The following SYT16 variants were observed in gnomAD, a reference collection of about 807,000 sequenced individuals.
The protein encoded by SYT16 is synaptotagmin-16.
In SYT16, 42 loss-of-function variants were observed where a neutral mutation model predicts 61.4. That is an observed-to-expected ratio of 0.68 (90% CI 0.53 to 0.89). The LOEUF (loss-of-function observed/expected upper bound fraction) is 0.89. Ranked by LOEUF, SYT16 falls within the 40% of genes least tolerant of loss-of-function variation. The pLI is 0.00. For synonymous variants in SYT16, 314 were observed against 302.3 expected, an observed-to-expected ratio of 1.04 and a Z score of -0.40; for missense variants, 804 against 807.3, an observed-to-expected ratio of 1.00 and a Z score of 0.05.
chr14:62,072,743 T>C (rs1435497137), intron 4 of SYT16, among the ~76,000 whole-genome samples: 1 of 152,178 alleles, frequency 6.6e-6, no homozygotes, highest in Non-Finnish European at 1.5e-5. Context: ...GCATAAAACT[T>C]GCCATCACAG....
At chr14:62,014,381 C>T (rs1022941673) in intron 3 of SYT16, among the ~76,000 whole-genome samples, 1 of 151,974 alleles carries the variant, frequency 6.6e-6, no homozygotes, top group Non-Finnish European at 1.5e-5. Flanking sequence ...CTATTGATTC[C>T]GTCTCTGCTG....
chr14:61,887,728 G>A (rs750034556), intron 1 of SYT16, among the ~76,000 whole-genome samples: 2 of 152,084 alleles, frequency 1.3e-5, no homozygotes, highest in Non-Finnish European at 2.9e-5. Context: ...GCTTCCTTCT[G>A]CACCTCTCAG....
intron 1 of SYT16, among the ~76,000 whole-genome samples, chr14:61,923,067 A>AT (rs1491564035): frequency 6.7e-6 from 1 of 148,332 alleles, no homozygotes; most frequent in African/African-American, 2.4e-5. Flanking sequence ...AAAAAAAAAA[A>AT]TGAAGTGGAC....
At chr14:62,086,999 G>C (rs376907992) in intron 7 of SYT16, among the ~76,000 whole-genome samples, 3 of 152,196 alleles carry the variant, frequency 2.0e-5, no homozygotes, top group Non-Finnish European at 4.4e-5. Context: ...AAAGTAGAAG[G>C]TTCCTTTGTG....
At chr14:62,013,839 C>T (rs2053560311) in intron 3 of SYT16, among the ~76,000 whole-genome samples, 1 of 152,128 alleles carries the variant, frequency 6.6e-6, no homozygotes, top group African/African-American at 2.4e-5. Flanking sequence ...TGGTGGGCAC[C>T]TGTAGTCCCA....
At chr14:61,887,957 T>C (rs2047972247) in intron 1 of SYT16, among the ~76,000 whole-genome samples, 1 of 152,196 alleles carries the variant, frequency 6.6e-6, no homozygotes, top group African/African-American at 2.4e-5. Flanking sequence ...GCTAACTCTT[T>C]GGTGCAAGAG....
chr14:61,842,884 C>T (rs555224748), intron 1 of SYT16, among the ~76,000 whole-genome samples: 1 of 151,908 alleles, frequency 6.6e-6, no homozygotes, highest in Non-Finnish European at 1.5e-5. Flanking sequence ...ATGTAACAAA[C>T]CTGCACATTG....
chr14:61,958,388 C>G (rs530401930), intron 1 of SYT16, among the ~76,000 whole-genome samples: 1 of 151,624 alleles, frequency 6.6e-6, no homozygotes, highest in Admixed American at 6.6e-5. Context: ...AGATCTTTCT[C>G]CTTTAATGTA....
intron 1 of SYT16, among the ~76,000 whole-genome samples, chr14:61,934,052 T>G (rs543928296): frequency 7.9e-5 from 12 of 152,282 alleles, no homozygotes; most frequent in African/African-American, 2.9e-4. Flanking sequence ...TTACTATTGT[T>G]TTTGTGGAAA....
chr14:62,017,117 C>G (rs7146131), intron 3 of SYT16, among the ~76,000 whole-genome samples: 68,534 of 151,888 alleles, frequency 0.45, 15,910 homozygotes, highest in East Asian at 0.67. Flanking sequence ...TATTGAATTG[C>G]GGGGATTTAA....
At chr14:61,938,333 T>G (rs2050072552) in intron 1 of SYT16, among the ~76,000 whole-genome samples, 3 of 151,964 alleles carry the variant, frequency 2.0e-5, no homozygotes, top group Admixed American at 2.0e-4. Context: ...CTTCAAGGGC[T>G]TCACAAAGTA....
chr14:61,996,048 T>C lies in SYT16; in HGVS notation c.29T>C (p.Val10Ala), dbSNP rs8019076. 1,195,370 of 1,604,974 alleles carry C rather than the reference T, an allele frequency of 0.74. 447,728 individuals carry two copies. The highest frequency in any genetic ancestry group is 0.93 in the African/African-American group (69,523 of 74,682). The part of the protein sequence containing the change: MVLAMASQD[V>A]QNFFQPFSSW... ...GTGTTGGCCATGGCGTCTCAGGATG[T>C]TCAGAACTTCTTCCAGCCTTTCTCT... is the stretch of plus-strand genomic sequence containing the variant. The change falls in exon 3 of 8, where the codon GTT (valine) becomes GCT (alanine). Residue 10 changes from valine to alanine, a missense_variant. Transcript: ENST00000683842.
chr14:61,916,365 G>T (rs1239014717), intron 1 of SYT16, among the ~76,000 whole-genome samples: 1 of 152,042 alleles, frequency 6.6e-6, no homozygotes, highest in Admixed American at 6.6e-5. Context: ...CATTGTATGT[G>T]CAGTCTTTTG....
chr14:61,937,023 C>T (rs1277800819), intron 1 of SYT16, among the ~76,000 whole-genome samples: 1 of 152,204 alleles, frequency 6.6e-6, no homozygotes, highest in Non-Finnish European at 1.5e-5. Flanking sequence ...ACTTGTCTTA[C>T]AGACAGCAAA....
At chr14:61,982,635 A>G (rs2052134039) in intron 2 of SYT16, among the ~76,000 whole-genome samples, 7 of 152,182 alleles carry the variant, frequency 4.6e-5, no homozygotes, top group Admixed American at 4.6e-4. Flanking sequence ...AAACCATATC[A>G]GTGGGTCTCC....
intron 3 of SYT16, among the ~76,000 whole-genome samples, chr14:62,049,897 C>A (rs371602568): frequency 1.3e-5 from 2 of 152,214 alleles, no homozygotes; most frequent in African/African-American, 4.8e-5. Flanking sequence ...CTCTGGCTGC[C>A]CTTAACATTT....
chr14:61,913,127 C>G (rs1268620639), intron 1 of SYT16, among the ~76,000 whole-genome samples: 3 of 152,080 alleles, frequency 2.0e-5, no homozygotes, highest in African/African-American at 7.2e-5. Flanking sequence ...CTTGCCTAGC[C>G]ATGTTTTTGT....
intron 3 of SYT16, among the ~76,000 whole-genome samples, chr14:62,067,659 T>C (rs2056117004): frequency 6.6e-6 from 1 of 152,210 alleles, no homozygotes; most frequent in African/African-American, 2.4e-5. Flanking sequence ...TTGCTGGGAA[T>C]GTACATGGTG....
chr14:61,836,440 G>A (rs578045241), intron 1 of SYT16, among the ~76,000 whole-genome samples: 171 of 152,244 alleles, frequency 1.1e-3, no homozygotes, highest in Middle Eastern at 3.4e-3. Flanking sequence ...TGGTTTGGAG[G>A]GATAGGAGAA....
Sources: gnomAD v4.1 joint callset for allele counts (sites outside exome capture counted in the v4.1 genomes callset) on GRCh38, gnomAD v4.1.1 for gene constraint, MANE v1.5 for transcripts, NCBI Gene and HGNC (gene_info 2026-07-23, HGNC 2026-07-21) for gene names.